Variants in ANK2 observed in about 807,000 individuals in gnomAD.
ANK2 encodes the protein ankyrin-2.
Under a neutral mutation model 360.5 loss-of-function variants are expected in ANK2, and 83 were observed. The observed-to-expected ratio is 0.23, with a 90% CI of 0.19 to 0.28. ANK2 has a LOEUF of 0.28. ANK2 is among the 10% of genes least tolerant of loss of function. ANK2 has a pLI of 1.00. For missense variants in ANK2, 4,201 were observed against 4,795.7 expected, an observed-to-expected ratio of 0.88 and a Z score of 3.66; for synonymous variants, 1,740 against 1,759.5, an observed-to-expected ratio of 0.99 and a Z score of 0.28.
chr4:113,252,456 C>T (rs1014267911), intron 10 of ANK2, among the ~76,000 whole-genome samples: 4 of 152,180 alleles, frequency 2.6e-5, no homozygotes, highest in African/African-American at 7.2e-5. Flanking sequence ...AATTCTAGCT[C>T]TCAGCAAACT....
At chr4:113,209,242 A>C (rs1162228083) in intron 4 of ANK2, among the ~76,000 whole-genome samples, 2 of 151,940 alleles carry the variant, frequency 1.3e-5, no homozygotes, top group Non-Finnish European at 2.9e-5. Context: ...TATATAGATG[A>C]AACCTCACCA....
Position 113,354,823 on chromosome 4 carries a change from C to T in ANK2, c.6205C>T (p.Arg2069Cys), listed in dbSNP as rs754572911. Residue 2069 changes from arginine (R) to cysteine (C), a missense_variant, in exon 38 of 46, where the codon CGT becomes TGT. Transcript: ENST00000357077. Reference protein sequence around the residue: ...TGTAESKRGVRVSSIGVKKED... With the variant: ...TGTAESKRGVCVSSIGVKKED... ...CACAGCAGAATCCAAAAGAGGAGTT[C>T]GTGTTTCCTCCATAGGAGTTAAGAA... 4.7e-5 allele frequency: 76 copies of T among 1,613,944 alleles called. No individual in the cohort carries two copies. The Middle Eastern group carries it at 8.2e-4, about 17-fold the overall frequency.
At chr4:112,745,592 G>A in the ANK2 span, among the ~76,000 whole-genome samples, 3 of 136,950 alleles carry the variant, frequency 2.2e-5, no homozygotes, top group African/African-American at 8.3e-5. Flanking sequence ...GGAGTGCAAT[G>A]GCACGACCTC....
intron 37 of ANK2, among the ~76,000 whole-genome samples, chr4:113,351,670 C>G (rs914745478): frequency 1.3e-5 from 2 of 149,980 alleles, no homozygotes; most frequent in Non-Finnish European, 1.5e-5. Context: ...TCTCCTGATA[C>G]AAACTAGTAA....
chr4:113,316,923 CTT>C (rs2083257473), intron 24 of ANK2, among the ~76,000 whole-genome samples: 1 of 152,200 alleles, frequency 6.6e-6, no homozygotes, highest in Non-Finnish European at 1.5e-5. Context: ...GGCAATTTGT[CTT>C]TGTGCTGGCA....
chr4:113,144,780 C>T (rs1453039966), intron 1 of ANK2, among the ~76,000 whole-genome samples: 1 of 146,666 alleles, frequency 6.8e-6, no homozygotes, highest in Non-Finnish European at 1.5e-5. Flanking sequence ...CTATATACTA[C>T]TTAAACTATA....
intron 1 of ANK2, among the ~76,000 whole-genome samples, chr4:112,837,545 T>C (rs1193687861): frequency 6.6e-6 from 1 of 152,224 alleles, no homozygotes; most frequent in African/African-American, 2.4e-5. Flanking sequence ...GCTTGCACTG[T>C]GTGCCTGGAA....
At chr4:113,055,867 T>C (rs2154329931) in intron 1 of ANK2, among the ~76,000 whole-genome samples, 1 of 152,272 alleles carries the variant, frequency 6.6e-6, no homozygotes, top group East Asian at 1.9e-4. Context: ...GATTCTGTGG[T>C]TATCTTCTAA....
At position 112,846,120 on chromosome 4, in the gene ANK2, T is replaced by C. The variant is rs189281359; in HGVS notation, c.-40+27856T>C. Among the ~76,000 whole-genome samples the C allele has an allele frequency of 2.0e-5, 3 of 152,202 alleles. No individual in the cohort carries two copies. The East Asian group carries it at 5.8e-4, about 29-fold the overall frequency. On this transcript the variant is annotated intron_variant, in intron 1 of 30. Coordinates refer to the ANK2 transcript ENST00000503271. ...TTCCTTCCTATTAAATTTTTTTCTT[T>C]CTTTCTTTTTTTTGAGATAGGGTCT...
chr4:112,855,283 C>T (rs921094286), intron 1 of ANK2, among the ~76,000 whole-genome samples: 3 of 152,194 alleles, frequency 2.0e-5, no homozygotes, highest in African/African-American at 7.2e-5. Context: ...TCACTGTCCA[C>T]CAGTCTGCTC....
At chr4:113,126,798 A>G (rs904910433) in intron 1 of ANK2, among the ~76,000 whole-genome samples, 3 of 152,238 alleles carry the variant, frequency 2.0e-5, no homozygotes, top group Admixed American at 2.0e-4. Flanking sequence ...ACAAGGGACA[A>G]TATTTTAGAA....
chr4:113,130,833 G>A (rs546486012), intron 1 of ANK2, among the ~76,000 whole-genome samples: 291 of 152,256 alleles, frequency 1.9e-3, no homozygotes, highest in Non-Finnish European at 3.0e-3. Context: ...TTAATCTCCT[G>A]AATCAAACCT....
intron 1 of ANK2, among the ~76,000 whole-genome samples, chr4:113,058,198 T>C (rs546255841): frequency 1.3e-5 from 2 of 152,074 alleles, no homozygotes; most frequent in South Asian, 2.1e-4. Context: ...AGAACACACA[T>C]AGTTAAAGGA....
chr4:113,336,186 C>A, intron 30 of ANK2, 129 bp downstream of exon 30: 1 of 1,006,670 alleles, frequency 9.9e-7, no homozygotes, highest in Non-Finnish European at 1.5e-6. Context: ...AATGGTAAAG[C>A]TAAAGTCAAA....
intron 1 of ANK2, among the ~76,000 whole-genome samples, chr4:113,156,658 C>T (rs2097309955): frequency 6.6e-6 from 1 of 151,980 alleles, no homozygotes; most frequent in Admixed American, 6.6e-5. Context: ...CCACAACACC[C>T]AGCCTTAATG....
At chr4:112,771,863 G>T in the ANK2 span, among the ~76,000 whole-genome samples, 2 of 152,108 alleles carry the variant, frequency 1.3e-5, no homozygotes, top group Non-Finnish European at 2.9e-5. Flanking sequence ...GAGATTACAG[G>T]GGTGAGCCAC....
chr4:113,013,607 G>A (rs2055533271), intron 2 of ANK2, among the ~76,000 whole-genome samples: 1 of 152,108 alleles, frequency 6.6e-6, no homozygotes, highest in South Asian at 2.1e-4. Flanking sequence ...TATATCTATA[G>A]TTGCTAAATA....
chr4:112,960,433 G>T (rs139653723), intron 2 of ANK2, among the ~76,000 whole-genome samples: 1 of 151,604 alleles, frequency 6.6e-6, no homozygotes, highest in Non-Finnish European at 1.5e-5. Flanking sequence ...TATACCAGAC[G>T]CATATAAAAA....
At chr4:113,208,149 C>G (rs778760421) in intron 4 of ANK2, among the ~76,000 whole-genome samples, 1 of 151,146 alleles carries the variant, frequency 6.6e-6, no homozygotes, top group African/African-American at 2.5e-5. Context: ...GGGGGTGGAA[C>G]AAGCTCAGGA....
Sources: gnomAD v4.1 joint callset for allele counts (sites outside exome capture counted in the v4.1 genomes callset) on GRCh38, gnomAD v4.1.1 for gene constraint, MANE v1.5 for transcripts, NCBI Gene and HGNC (gene_info 2026-07-23, HGNC 2026-07-21) for gene names.